The following RASA3 variants were observed in gnomAD, a reference collection of about 807,000 sequenced individuals.
The protein encoded by RASA3 is RAS p21 protein activator 3.
In RASA3, 73 loss-of-function variants were observed where a neutral mutation model predicts 110.0. That is an observed-to-expected ratio of 0.66 (90% CI 0.55 to 0.81). RASA3 has a LOEUF of 0.81. Ranked by LOEUF, RASA3 falls within the 30% of genes least tolerant of loss-of-function variation. The probability of loss-of-function intolerance (pLI) is 0.00; values close to 1 mark genes in which losing one functional copy is unlikely to be tolerated. For synonymous variants in RASA3, 500 were observed against 451.4 expected (o/e 1.11, Z -1.37); for missense variants, 976 against 1,113.2 (o/e 0.88, Z 1.75).
Position 114,112,570 on chromosome 13 carries a change from C to T in RASA3, c.55+19865G>A, listed in dbSNP as rs1450828396. ...TGCCTCGAGCACTTCACACGCGTGC[C>T]CGGGGATGCTGGTGCTGCAGGTATG... On this transcript the variant is annotated intron_variant, in intron 1 of 23. Coordinates refer to ENST00000334062, the MANE Select transcript of RASA3 (RefSeq NM_007368.4). The surrounding 1 kb of genome is among the most constrained non-coding windows in gnomAD (Gnocchi z 4.8). Among the ~76,000 whole-genome samples, 1 of 152,122 alleles carries T rather than the reference C, an allele frequency of 6.6e-6. No individual in the cohort carries two copies. The highest frequency in any genetic ancestry group is 1.5e-5 in the Non-Finnish European group (1 of 68,012).
intron 1 of RASA3, among the ~76,000 whole-genome samples, chr13:114,097,323 G>A (rs535702616): frequency 1.4e-4 from 21 of 152,336 alleles, no homozygotes; most frequent in African/African-American, 5.1e-4. Flanking sequence ...AAAGCCGCAA[G>A]TCTACAAGCA....
intron 1 of RASA3, among the ~76,000 whole-genome samples, chr13:114,111,911 A>G (rs1011799857): frequency 2.0e-5 from 3 of 152,218 alleles, no homozygotes; most frequent in Non-Finnish European, 2.9e-5. Flanking sequence ...GTTGGGGCCC[A>G]TCAACTTAAA....
chr13:113,999,496 G>C (rs1342343754), intron 20 of RASA3, 89 bp downstream of exon 20: 2 of 1,046,604 alleles, frequency 1.9e-6, no homozygotes, highest in Non-Finnish European at 3.0e-6. Flanking sequence ...GGTGGGGAAG[G>C]GTGAGCCCAG....
intron 23 of RASA3, among the ~76,000 whole-genome samples, chr13:113,979,707 G>A (rs1369080922): frequency 2.0e-5 from 3 of 152,194 alleles, no homozygotes; most frequent in Non-Finnish European, 4.4e-5. Context: ...TAGAGTGTAT[G>A]GCACGTGTGC....
intron 21 of RASA3, among the ~76,000 whole-genome samples, chr13:113,994,718 C>T (rs2053193931): frequency 6.6e-6 from 1 of 152,210 alleles, no homozygotes; most frequent in Non-Finnish European, 1.5e-5. Context: ...AGCCTGTAAT[C>T]CCAGCTACTT....
At chr13:114,028,201 G>A (rs1186271919) in intron 5 of RASA3, among the ~76,000 whole-genome samples, 3 of 130,110 alleles carry the variant, frequency 2.3e-5, no homozygotes, top group Non-Finnish European at 3.2e-5. Flanking sequence ...CAGCGTCATC[G>A]GGGGGGCGGG....
intron 1 of RASA3, among the ~76,000 whole-genome samples, chr13:114,097,873 CTT>C (rs1434550000): frequency 6.6e-6 from 1 of 152,198 alleles, no homozygotes; most frequent in East Asian, 1.9e-4. Context: ...ACCATGGGGT[CTT>C]GTCTCATTCG....
At chr13:114,018,301 C>A in intron 10 of RASA3, 49 bp from the exon 11 acceptor site, 1 of 1,527,848 alleles carries the variant, frequency 6.5e-7, no homozygotes, top group East Asian at 2.5e-5. Flanking sequence ...GCAGGAACCC[C>A]AGAGGCCTGT....
chr13:114,013,595 C>CATCT lies in RASA3; in HGVS notation c.1406-348_1406-347insAGAT, dbSNP rs1244669762. 2.1e-4 allele frequency among the ~76,000 whole-genome samples: 23 copies of CATCT among 109,202 alleles called. 1 individual carries two copies. The highest frequency in any genetic ancestry group is 5.0e-4 in the African/African-American group (13 of 26,022). 71.6% of individuals were successfully genotyped at this position (109,202 alleles called of 152,430 possible). A position where few individuals can be genotyped will look rare whatever the true frequency, so the allele number is the denominator to read the frequency against. ...ATCTCTGTCTCTCTCTCTCTCTCTC[C>CATCT]GTCTCTGGCTCTCTCCCCCCCTCCA... On this transcript the variant is annotated intron_variant, in intron 14 of 23. Coordinates refer to ENST00000334062, the MANE Select transcript of RASA3 (RefSeq NM_007368.4).
At chr13:114,029,970 G>C in intron 4 of RASA3, 83 bp from the exon 5 acceptor site, 3 of 1,324,504 alleles carry the variant, frequency 2.3e-6, no homozygotes, top group Non-Finnish European at 2.1e-6. Context: ...GGAAAGCCTA[G>C]AGGGCAAAGG....
Position 114,077,466 on chromosome 13 carries a change from C to T in RASA3, c.56-3629G>A, listed in dbSNP as rs2079705628. On this transcript the variant is annotated intron_variant, in intron 1 of 23. Transcript: ENST00000334062. ...CTGGCACCAACACACCGGATTCATC[C>T]CTTCCTCCCTCCCCACTCAATGATG... Among the ~76,000 whole-genome samples, 3 of 144,866 alleles carry T rather than the reference C, an allele frequency of 2.1e-5. No individual in the cohort carries two copies. The Admixed American group carries it at 2.4e-4, about 12-fold the overall frequency.
intron 1 of RASA3, among the ~76,000 whole-genome samples, chr13:114,118,911 G>A (rs1439218998): frequency 6.6e-6 from 1 of 152,258 alleles, no homozygotes; most frequent in Non-Finnish European, 1.5e-5. Context: ...GGGTGTGGGT[G>A]CCACCGTGGG....
At chr13:114,077,074 G>A (rs1293667070) in intron 1 of RASA3, among the ~76,000 whole-genome samples, 1 of 152,138 alleles carries the variant, frequency 6.6e-6, no homozygotes, top group African/African-American at 2.4e-5. Context: ...AAAAGCTTTT[G>A]AAAGTCCTGT....
At chr13:114,053,573 A>G (rs1218446647) in intron 2 of RASA3, among the ~76,000 whole-genome samples, 1 of 151,896 alleles carries the variant, frequency 6.6e-6, no homozygotes, top group East Asian at 1.9e-4. Context: ...GGGGGCGTCC[A>G]CACAGTCACC....
At chr13:114,049,168 G>A (rs1194929806) in intron 3 of RASA3, among the ~76,000 whole-genome samples, 2 of 152,116 alleles carry the variant, frequency 1.3e-5, no homozygotes, top group Admixed American at 6.5e-5. Context: ...TCCTCAGGGC[G>A]TGGGCGGCTG....
Position 114,057,310 on chromosome 13 carries a change from C to T in RASA3, c.174-5155G>A, listed in dbSNP as rs749698487. On this transcript the variant is annotated intron_variant, in intron 2 of 23. Coordinates refer to ENST00000334062, the MANE Select transcript of RASA3 (RefSeq NM_007368.4). The surrounding 1 kb of genome is among the most constrained non-coding windows in gnomAD (Gnocchi z 5.0). Reference sequence around the variant, plus strand: ...GCAGGCGGCCGGCCAGCCTTATCAACGGAGCTCTGAGCCACCAACCACTGT... The same window carrying T: ...GCAGGCGGCCGGCCAGCCTTATCAATGGAGCTCTGAGCCACCAACCACTGT... 30 of 985,314 alleles carry T rather than the reference C, an allele frequency of 3.0e-5. No individual in the cohort carries two copies. The highest frequency in any genetic ancestry group is 3.6e-5 in the Non-Finnish European group (30 of 829,930). The allele number at this position is 985,314 out of a possible 1,614,324, so 61.0% of individuals were successfully genotyped here.
At chr13:114,045,201 C>T (rs1005307842) in intron 3 of RASA3, among the ~76,000 whole-genome samples, 2 of 152,206 alleles carry the variant, frequency 1.3e-5, no homozygotes, top group Non-Finnish European at 2.9e-5. Context: ...CTAAAAGCCA[C>T]GGCGTCTACT....
Position 114,056,325 on chromosome 13 carries a change from G to C in RASA3, c.174-4170C>G, listed in dbSNP as rs1295081971. ...GCGTGGTGAGGGGCGGTGAGATGAG[G>C]ATGCCAGCGCTAAGCACACCCCACA... On this transcript the variant is annotated intron_variant, in intron 2 of 23. Transcript: ENST00000334062. This position sits in a 1 kb window ranked among gnomAD's most constrained non-coding sequence, Gnocchi z 5.7. The C allele has an allele frequency of 6.5e-6, 3 of 461,104 alleles. No individual in the cohort carries two copies. Among genetic ancestry groups the C allele is most frequent in the African/African-American group, 2.1e-5 (1 of 47,024 alleles). The allele number at this position is 461,104 out of a possible 1,614,324, so 28.6% of individuals were successfully genotyped here.
chr13:114,033,186 A>C (rs1594358213), intron 4 of RASA3, among the ~76,000 whole-genome samples: 1 of 36,818 alleles, frequency 2.7e-5, no homozygotes. Context: ...GCCCCACGGC[A>C]CCCCCACACT....
Sources: gnomAD v4.1 joint callset for allele counts (sites outside exome capture counted in the v4.1 genomes callset) on GRCh38, gnomAD v4.1.1 for gene constraint, Gnocchi (gnomAD v3.1) non-coding constraint, MANE v1.5 for transcripts, NCBI Gene and HGNC (gene_info 2026-07-23, HGNC 2026-07-21) for gene names.